SKI: variants seen among roughly 807,000 people sequenced by gnomAD.
The protein encoded by SKI is ski oncogene.
SKI carries 23 observed loss-of-function variants against 59.3 expected under a neutral mutation model. The ratio of observed to expected loss-of-function variants is 0.39; its 90% CI spans 0.28 to 0.55. SKI has a LOEUF of 0.55. Among genes scored for constraint, SKI ranks in the 20% least tolerant of loss-of-function variants. SKI has a pLI of 0.67. For missense variants in SKI, 1,017 were observed against 1,038.9 expected (o/e 0.98, Z 0.29); for synonymous variants, 673 against 488.6 (o/e 1.38, Z -4.98).
rs911169008 is a variant in SKI at position 2,307,177 on chromosome 1, G to A, written c.*412G>A. On this transcript the variant is annotated 3_prime_UTR_variant, in exon 7 of 7. Transcript: ENST00000378536. ...TCTGAAGACCCGCAACGGAGTGGGG[G>A]TGGCGGCCGCCCCACCCTCCCCACC... 1.6e-4 allele frequency: 25 copies of A among 153,822 alleles called. No individual in the cohort carries two copies. Among genetic ancestry groups the A allele is most frequent in the Non-Finnish European group, 2.3e-4 (16 of 69,076 alleles). The allele number at this position is 153,822 out of a possible 1,614,324, so 9.5% of individuals were successfully genotyped here.
intron 1 of SKI, among the ~76,000 whole-genome samples, chr1:2,275,176 A>C (rs1198397970): frequency 6.6e-6 from 1 of 152,154 alleles, no homozygotes; most frequent in Admixed American, 6.5e-5. Flanking sequence ...GGCCCGGTGG[A>C]GATGTGTTCG....
intron 1 of SKI, among the ~76,000 whole-genome samples, chr1:2,231,373 A>G (rs1254063166): frequency 1.3e-5 from 2 of 151,848 alleles, no homozygotes; most frequent in East Asian, 1.9e-4. Flanking sequence ...TTTTTGTCCG[A>G]CTGTGGGTCA....
intron 1 of SKI, among the ~76,000 whole-genome samples, chr1:2,286,714 G>A (rs1004687642): frequency 2.0e-5 from 3 of 152,256 alleles, no homozygotes; most frequent in Non-Finnish European, 4.4e-5. Context: ...AGGACAGACT[G>A]CGTGTGGGGG....
At chr1:2,285,491 G>A (rs1277428134) in intron 1 of SKI, among the ~76,000 whole-genome samples, 2 of 151,458 alleles carry the variant, frequency 1.3e-5, no homozygotes, top group Non-Finnish European at 2.9e-5. Context: ...CTCCAGCCTG[G>A]GTGACAAAAG....
Position 2,268,104 on chromosome 1 carries a change from G to C in SKI, c.970-34874G>C, listed in dbSNP as rs1639537480. 6.6e-6 allele frequency among the ~76,000 whole-genome samples: 1 copy of C among 152,232 alleles called. No individual in the cohort carries two copies. Among genetic ancestry groups the C allele is most frequent in the Non-Finnish European group, 1.5e-5 (1 of 68,022 alleles). On this transcript the variant is annotated intron_variant, in intron 1 of 6. Transcript: ENST00000378536. This position sits in a 1 kb window ranked among gnomAD's most constrained non-coding sequence, Gnocchi z 5.0. ...GAGCTGGTGCCCACCCCTGTGGTCA[G>C]ATGCATGGCGCCCGCAGCCCTGGCC...
At chr1:2,242,370 C>G (rs1638898989) in intron 1 of SKI, among the ~76,000 whole-genome samples, 1 of 152,118 alleles carries the variant, frequency 6.6e-6, no homozygotes, top group African/African-American at 2.4e-5. Flanking sequence ...CCTGTTTGTT[C>G]ACGTCAGGGG....
Position 2,305,951 on chromosome 1 carries a change from C to T in SKI, c.1768-69C>T, listed in dbSNP as rs1569865253. On this transcript the variant is annotated intron_variant, in intron 5 of 6. Coordinates refer to ENST00000378536, the MANE Select transcript of SKI (RefSeq NM_003036.4). ...ATGACCCCACGGGGTGGGCTGAGGA[C>T]TGCTGGTCATGGTGAGGGGTGTGCT... 1.1e-5 allele frequency: 13 copies of T among 1,212,862 alleles called. No individual in the cohort carries two copies. The South Asian group carries it at 1.6e-4, about 15-fold the overall frequency. The allele number at this position is 1,212,862 out of a possible 1,614,324, so 75.1% of individuals were successfully genotyped here. A position where few individuals can be genotyped will look rare whatever the true frequency, so the allele number is the denominator to read the frequency against.
At chr1:2,280,539 C>T (rs1639852507) in intron 1 of SKI, among the ~76,000 whole-genome samples, 2 of 152,154 alleles carry the variant, frequency 1.3e-5, no homozygotes. Flanking sequence ...TTACCCGCCA[C>T]ACACCTTTTA....
intron 1 of SKI, among the ~76,000 whole-genome samples, chr1:2,259,235 A>C (rs2100835609): frequency 6.6e-6 from 1 of 152,224 alleles, no homozygotes; most frequent in East Asian, 1.9e-4. Context: ...GCCACAGCAG[A>C]AAGGCTGAGT....
intron 1 of SKI, among the ~76,000 whole-genome samples, chr1:2,249,737 G>C (rs937987150): frequency 6.6e-6 from 1 of 152,216 alleles, no homozygotes; most frequent in Admixed American, 6.5e-5. Context: ...GGGCCTCCCT[G>C]TCCTGCCTCC....
chr1:2,231,307 CTG>C (rs1395961402), intron 1 of SKI, among the ~76,000 whole-genome samples: 6 of 152,170 alleles, frequency 3.9e-5, no homozygotes, highest in Non-Finnish European at 5.9e-5. Flanking sequence ...GCTCACGTCA[CTG>C]TCTTCAGAGC....
chr1:2,308,695 CTG>C lies in SKI; in HGVS notation c.*1934_*1935del, dbSNP rs1298788741. 1 of 152,020 alleles carries C rather than the reference CTG, an allele frequency of 6.6e-6. No homozygotes were observed. The highest frequency in any genetic ancestry group is 1.5e-5 in the Non-Finnish European group (1 of 68,004). The allele number at this position is 152,020 out of a possible 1,614,324, so 9.4% of individuals were successfully genotyped here. A position where few individuals can be genotyped will look rare whatever the true frequency, so the allele number is the denominator to read the frequency against. On this transcript the variant is annotated 3_prime_UTR_variant, in exon 7 of 7. Transcript: ENST00000378536. ...GTTGGCGTGCTTCTGTGTGGCTGTC[CTG>C]TGTCGCCAGGTCGAAGATCACAGTG...
At chr1:2,249,099 G>C (rs908479933) in intron 1 of SKI, among the ~76,000 whole-genome samples, 1 of 152,266 alleles carries the variant, frequency 6.6e-6, no homozygotes, top group Admixed American at 6.5e-5. Context: ...GAGTGCTGTT[G>C]TTTCTTGGTG....
In SKI at chr1:2,228,728, G is replaced by T. The variant is rs1638558782; in HGVS notation, c.-39G>T. ...CGGCGGGGGCCGGGGGGGCCCGGGCGCGCGGGAGCGGGAGCGGCCGGGGGA... is the reference window on the plus strand; with the variant it reads ...CGGCGGGGGCCGGGGGGGCCCGGGCTCGCGGGAGCGGGAGCGGCCGGGGGA... On this transcript the variant is annotated 5_prime_UTR_variant, in exon 1 of 7. Transcript: ENST00000378536. 1 of 1,030,000 alleles carries T rather than the reference G, an allele frequency of 9.7e-7. No homozygotes were observed. The highest frequency in any genetic ancestry group is 1.7e-5 in the African/African-American group (1 of 57,518). 63.8% of individuals were successfully genotyped at this position (1,030,000 alleles called of 1,614,324 possible).
chr1:2,290,634 G>A (rs1640140195), intron 1 of SKI, among the ~76,000 whole-genome samples: 2 of 152,084 alleles, frequency 1.3e-5, no homozygotes, highest in African/African-American at 2.4e-5. Flanking sequence ...GGGGGCAAGC[G>A]ATGCCTTCTG....
intron 1 of SKI, among the ~76,000 whole-genome samples, chr1:2,252,842 C>A (rs1462549399): frequency 6.6e-6 from 1 of 152,080 alleles, no homozygotes; most frequent in African/African-American, 2.4e-5. Context: ...TGCCTGTAAT[C>A]CCAGCACTTT....
Position 2,229,849 on chromosome 1 carries a change from G to A in SKI, c.969+114G>A. On this transcript the variant is annotated intron_variant, in intron 1 of 6. Transcript: ENST00000378536. This position sits in a 1 kb window ranked among gnomAD's most constrained non-coding sequence, Gnocchi z 6.3. ...GACCTGTGCTTCTGCCGTGCCCCAT[G>A]TCTCCAGTCTTCGCTTTGTTTTAGG... is the stretch of plus-strand genomic sequence containing the variant. 2 of 1,513,504 alleles carry A rather than the reference G, an allele frequency of 1.3e-6. No individual in the cohort carries two copies. Among genetic ancestry groups the A allele is most frequent in the East Asian group, 2.5e-5 (1 of 40,474 alleles). 93.8% of individuals were successfully genotyped at this position (1,513,504 alleles called of 1,614,324 possible).
chr1:2,249,818 G>A (rs1305536112), intron 1 of SKI, among the ~76,000 whole-genome samples: 1 of 152,222 alleles, frequency 6.6e-6, no homozygotes, highest in African/African-American at 2.4e-5. Flanking sequence ...AATTGGAGAT[G>A]TTTTTACAGT....
chr1:2,280,606 A>G (rs866699628), intron 1 of SKI, among the ~76,000 whole-genome samples: 1,031 of 77,206 alleles, frequency 0.013, no homozygotes, highest in Middle Eastern at 0.078. Flanking sequence ...TTCAGAGAGA[A>G]GATGCCCGAG....
Sources: allele counts gnomAD v4.1 joint callset (sites outside exome capture counted in the v4.1 genomes callset), GRCh38; gene constraint gnomAD v4.1.1; non-coding constraint Gnocchi (gnomAD v3.1); transcripts MANE v1.5; gene names NCBI Gene and HGNC (gene_info 2026-07-23, HGNC 2026-07-21).